The following CACNA1C variants were observed in gnomAD, a reference collection of about 807,000 sequenced individuals.
CACNA1C encodes voltage-dependent L-type calcium channel subunit alpha-1C.
A neutral mutation model predicts 229.0 loss-of-function variants in CACNA1C; 30 were observed. The observed-to-expected ratio is 0.13, with a 90% CI of 0.10 to 0.18. The LOEUF (loss-of-function observed/expected upper bound fraction) is 0.18. CACNA1C is among the 10% of genes least tolerant of loss of function. The probability of loss-of-function intolerance (pLI) is 1.00; values close to 1 mark genes in which losing one functional copy is unlikely to be tolerated. For synonymous variants in CACNA1C, 1,114 were observed against 1,132.5 expected (o/e 0.98, Z 0.33); for missense variants, 1,658 against 2,845.0 (o/e 0.58, Z 9.49).
At chr12:2,017,046 G>C (rs1427253375) in intron 1 of CACNA1C, among the ~76,000 whole-genome samples, 1 of 152,212 alleles carries the variant, frequency 6.6e-6, no homozygotes, top group Non-Finnish European at 1.5e-5. Flanking sequence ...GGAATTTGGA[G>C]TTTATTCTCT....
Position 2,679,776 on chromosome 12 carries a change from G to A in CACNA1C, c.5424G>A (p.Ala1808=), listed in dbSNP as rs587780881. The A allele has an allele frequency of 1.6e-5, 25 of 1,573,168 alleles. No homozygotes were observed. Among genetic ancestry groups the A allele is most frequent in the Admixed American group, 1.1e-4 (6 of 54,202 alleles). The change falls in exon 42 of 47, where the codon GCG becomes GCA. Residue 1808 remains alanine (A), a synonymous_variant. Transcript: ENST00000399655. This position sits in a 1 kb window ranked among gnomAD's most constrained non-coding sequence, Gnocchi z 5.5. Reference sequence around the variant, plus strand: ...CTGCCATCCGGGTGCAGGAGGTGGCGTGGAAGCTCAGCTCCAACAGGTAAG... The same window carrying A: ...CTGCCATCCGGGTGCAGGAGGTGGCATGGAAGCTCAGCTCCAACAGGTAAG... ...LSPAIRVQEV[A]WKLSSNRCHS...
In CACNA1C at chr12:2,549,454, C is replaced by T. The variant is rs530421768; in HGVS notation, c.1391-489C>T. On this transcript the variant is annotated intron_variant, in intron 9 of 46. Coordinates refer to ENST00000399655, the MANE Select transcript of CACNA1C (RefSeq NM_000719.7). ...GAAGGCCTCTGTCCACCCAGCAGCT[C>T]ATCAAGGTAGCAAGCACGCCCTTTC... Among the ~76,000 whole-genome samples, 267 of 152,328 alleles carry T rather than the reference C, an allele frequency of 1.8e-3. 1 individual carries two copies. The highest frequency in any genetic ancestry group is 3.4e-3 in the Middle Eastern group (1 of 294).
In CACNA1C at chr12:2,137,412, A is replaced by G. The variant is rs1442650598; in HGVS notation, c.477+16982A>G. On this transcript the variant is annotated intron_variant, in intron 3 of 46. Transcript: ENST00000399655. ...CCAGCTCTACCAAAAAAAAAAGTAT[A>G]TATATACACACACATACACACACAT... Among the ~76,000 whole-genome samples, 2 of 151,206 alleles carry G rather than the reference A, an allele frequency of 1.3e-5. 1 individual carries two copies. The highest frequency in any genetic ancestry group is 3.0e-5 in the Non-Finnish European group (2 of 67,618).
chr12:2,009,148 G>A (rs2043972706), intron 1 of CACNA1C, among the ~76,000 whole-genome samples: 1 of 152,128 alleles, frequency 6.6e-6, no homozygotes, highest in Admixed American at 6.5e-5. Context: ...CGAGTTTCAT[G>A]ATTATATTAT....
At chr12:2,450,361 T>C (rs531994223) in intron 4 of CACNA1C, among the ~76,000 whole-genome samples, 22 of 151,802 alleles carry the variant, frequency 1.4e-4, no homozygotes, top group South Asian at 8.4e-4. Context: ...GAGACCATCC[T>C]GGCTAACACG....
chr12:2,341,566 G>A (rs1043214039), intron 3 of CACNA1C, among the ~76,000 whole-genome samples: 8 of 152,304 alleles, frequency 5.3e-5, no homozygotes, highest in African/African-American at 2.4e-5. Flanking sequence ...AGCCTCCCGC[G>A]GAGCCCTGCT....
rs192893474 is a variant in CACNA1C, at chr12:2,694,539, T to A, written c.*3340T>A. 1 of 152,346 alleles carries A rather than the reference T, an allele frequency of 6.6e-6. No homozygotes were observed. Among genetic ancestry groups the A allele is most frequent in the Admixed American group, 6.5e-5 (1 of 15,300 alleles). The allele number at this position is 152,346 out of a possible 1,614,324, so 9.4% of individuals were successfully genotyped here. A position where few individuals can be genotyped will look rare whatever the true frequency, so the allele number is the denominator to read the frequency against. ...AGGTACTAGTTATAACCCCTTTCCT[T>A]CTTCTTAATCCAATAGGCCTCACTC... On this transcript the variant is annotated 3_prime_UTR_variant, in exon 47 of 47. Transcript: ENST00000399655.
chr12:2,529,262 C>T (rs948622045), intron 9 of CACNA1C, among the ~76,000 whole-genome samples: 2 of 152,216 alleles, frequency 1.3e-5, no homozygotes, highest in Non-Finnish European at 2.9e-5. Context: ...TTCTCCCCAG[C>T]AGGGTCTTAC....
intron 3 of CACNA1C, among the ~76,000 whole-genome samples, chr12:2,168,704 T>C (rs1485424592): frequency 6.6e-6 from 1 of 152,162 alleles, no homozygotes; most frequent in Non-Finnish European, 1.5e-5. Flanking sequence ...CTTTGATTTT[T>C]TTTCAGTCCT....
Position 2,486,347 on chromosome 12 carries a change from AC to A in CACNA1C, c.916+87del. ...TCCCGCTGCTGGCTACACCAACATG[AC>A]CAGCAGAGCCCAGGGAAGGCCCCAT... On this transcript the variant is annotated intron_variant, in intron 6 of 46. Transcript: ENST00000399655. The surrounding 1 kb of genome is among the most constrained non-coding windows in gnomAD (Gnocchi z 4.9). 8.5e-7 allele frequency: 1 copy of A among 1,172,022 alleles called. No individual in the cohort carries two copies. The highest frequency in any genetic ancestry group is 1.2e-6 in the Non-Finnish European group (1 of 823,652). 72.6% of individuals were successfully genotyped at this position (1,172,022 alleles called of 1,614,324 possible). A position where few individuals can be genotyped will look rare whatever the true frequency, so the allele number is the denominator to read the frequency against.
At chr12:2,072,131 A>G (rs2061557690) in intron 1 of CACNA1C, among the ~76,000 whole-genome samples, 1 of 151,880 alleles carries the variant, frequency 6.6e-6, no homozygotes, top group African/African-American at 2.4e-5. Context: ...ATAAAACTGT[A>G]TTTGTAAGGG....
chr12:2,282,213 G>A (rs1463241165), intron 3 of CACNA1C, among the ~76,000 whole-genome samples: 3 of 152,136 alleles, frequency 2.0e-5, no homozygotes, highest in African/African-American at 4.8e-5. Flanking sequence ...AACACAGGGG[G>A]TGACATTCCT....
At chr12:2,347,800 C>T (rs890551541) in intron 3 of CACNA1C, among the ~76,000 whole-genome samples, 52 of 152,246 alleles carry the variant, frequency 3.4e-4, no homozygotes, top group African/African-American at 1.2e-3. Context: ...ATGTCCCTGG[C>T]CAGCTTCTAC....
chr12:2,096,235 T>C (rs1278920502), intron 1 of CACNA1C, among the ~76,000 whole-genome samples: 1 of 152,264 alleles, frequency 6.6e-6, no homozygotes, highest in African/African-American at 2.4e-5. Context: ...TTTTACTCAG[T>C]TGTGAAGGCA....
rs138303615 is a variant in CACNA1C at position 2,410,799 on chromosome 12, ATG to A, written c.478-38166_478-38165del. Reference sequence around the variant, plus strand: ...CAGGATGGCTCCCCTGTGTGTGTATATGTGTGTGTGTGCGTGTGCATGTGCGT... The same window carrying A: ...CAGGATGGCTCCCCTGTGTGTGTATATGTGTGTGTGCGTGTGCATGTGCGT... On this transcript the variant is annotated intron_variant, in intron 3 of 46. Coordinates refer to ENST00000399655, the MANE Select transcript of CACNA1C (RefSeq NM_000719.7). The surrounding 1 kb of genome is among the most constrained non-coding windows in gnomAD (Gnocchi z 5.3). 7.3e-6 allele frequency among the ~76,000 whole-genome samples: 1 copy of A among 137,560 alleles called. No individual in the cohort carries two copies. The highest frequency in any genetic ancestry group is 1.6e-5 in the Non-Finnish European group (1 of 64,170). 90.2% of individuals were successfully genotyped at this position (137,560 alleles called of 152,430 possible).
intron 3 of CACNA1C, among the ~76,000 whole-genome samples, chr12:2,371,234 A>G (rs1312782960): frequency 6.6e-6 from 1 of 152,178 alleles, no homozygotes; most frequent in Non-Finnish European, 1.5e-5. Flanking sequence ...TTCATCTTGC[A>G]AAATGGTGAG....
Position 2,093,020 on chromosome 12 carries a change from G to A in CACNA1C, c.50-22204G>A, listed in dbSNP as rs77570451. Among the ~76,000 whole-genome samples, 543 of 152,312 alleles carry A rather than the reference G, an allele frequency of 3.6e-3. 1 individual carries two copies. Among genetic ancestry groups the A allele is most frequent in the African/African-American group, 0.012 (500 of 41,560 alleles). On this transcript the variant is annotated intron_variant, in intron 1 of 46. Coordinates refer to ENST00000399655, the MANE Select transcript of CACNA1C (RefSeq NM_000719.7). ...TGAGCCACAGCCTGGAGGAGGTGAC[G>A]GCTGCAAACCCCGCACTCTGGCAGA...
At position 2,287,321 on chromosome 12, in the gene CACNA1C, T is replaced by C. The variant is rs146506314; in HGVS notation, c.478-161655T>C. Among the ~76,000 whole-genome samples the C allele has an allele frequency of 4.9e-4, 75 of 152,356 alleles. No individual in the cohort carries two copies. The highest frequency in any genetic ancestry group is 1.8e-3 in the African/African-American group (73 of 41,594). On this transcript the variant is annotated intron_variant, in intron 3 of 46. Coordinates refer to ENST00000399655, the MANE Select transcript of CACNA1C (RefSeq NM_000719.7). This position sits in a 1 kb window ranked among gnomAD's most constrained non-coding sequence, Gnocchi z 4.6. ...GATTGTGATTGCGACCCGTGCCTCA[T>C]GGAGTGTCGCTGGATACGCGATCAG...
chr12:2,175,220 T>G (rs1421206938), intron 3 of CACNA1C, among the ~76,000 whole-genome samples: 1 of 152,238 alleles, frequency 6.6e-6, no homozygotes, highest in East Asian at 1.9e-4. Context: ...TCCCTTATTA[T>G]GTCGAAATAT....
Sources: gnomAD v4.1 joint callset for allele counts (sites outside exome capture counted in the v4.1 genomes callset) on GRCh38, gnomAD v4.1.1 for gene constraint, Gnocchi (gnomAD v3.1) non-coding constraint, MANE v1.5 for transcripts, NCBI Gene and HGNC (gene_info 2026-07-23, HGNC 2026-07-21) for gene names.